Variants in PRELID2 observed in about 807,000 individuals in gnomAD.
The protein encoded by PRELID2 is PRELI domain-containing protein 2.
Under a neutral mutation model 28.4 loss-of-function variants are expected in PRELID2, and 25 were observed. The ratio of observed to expected loss-of-function variants is 0.88; its 90% CI spans 0.64 to 1.23. The LOEUF (loss-of-function observed/expected upper bound fraction) is 1.23, where lower values mean the gene tolerates loss of function less well. Ranked by LOEUF, PRELID2 falls within the 50% of genes most tolerant of loss-of-function variation. The pLI is 0.00. For missense variants in PRELID2, 201 were observed against 214.4 expected (o/e 0.94, Z 0.39); for synonymous variants, 76 against 71.6 (o/e 1.06, Z -0.31).
At chr5:145,234,337 A>G in the PRELID2 span, among the ~76,000 whole-genome samples, 2 of 152,148 alleles carry the variant, frequency 1.3e-5, no homozygotes, top group Non-Finnish European at 2.9e-5. Context: ...TATTTATTCT[A>G]TTTTACAGTT....
chr5:145,368,220 C>T, the PRELID2 span, among the ~76,000 whole-genome samples: 100,360 of 151,792 alleles, frequency 0.66, 33,392 homozygotes, highest in East Asian at 0.89. Flanking sequence ...ATGTACATGG[C>T]ACTATTAACA....
chr5:145,340,170 G>A, the PRELID2 span, among the ~76,000 whole-genome samples: 1 of 152,058 alleles, frequency 6.6e-6, no homozygotes, highest in Non-Finnish European at 1.5e-5. Flanking sequence ...CAACCCATGA[G>A]CCTAAAAATT....
chr5:145,636,005 C>T (rs907417606), intron 1 of PRELID2, among the ~76,000 whole-genome samples: 1 of 152,120 alleles, frequency 6.6e-6, no homozygotes, highest in Non-Finnish European at 1.5e-5. Flanking sequence ...CAGGGAAAGT[C>T]AAGGAGTGGG....
intron 1 of PRELID2, among the ~76,000 whole-genome samples, chr5:145,665,360 G>C (rs569597260): frequency 6.6e-6 from 1 of 152,146 alleles, no homozygotes; most frequent in Admixed American, 6.6e-5. Context: ...ATTGGAAAGG[G>C]GGGTGGTCAA....
chr5:145,741,225 T>TAC (rs1756715705), intron 1 of PRELID2, among the ~76,000 whole-genome samples: 1 of 47,930 alleles, frequency 2.1e-5, no homozygotes, highest in Non-Finnish European at 3.9e-5. Flanking sequence ...AAAATATATA[T>TAC]ATAATATATA....
intron 6 of PRELID2, among the ~76,000 whole-genome samples, chr5:145,762,076 C>A (rs1757502502): frequency 6.6e-6 from 1 of 151,980 alleles, no homozygotes; most frequent in African/African-American, 2.4e-5. Context: ...TACATATATC[C>A]CCTACTTTAC....
chr5:145,462,986 G>A, the PRELID2 span, among the ~76,000 whole-genome samples: 1 of 152,042 alleles, frequency 6.6e-6, no homozygotes, highest in South Asian at 2.1e-4. Context: ...ACCCTTGAGT[G>A]ATATAAATTA....
the PRELID2 span, among the ~76,000 whole-genome samples, chr5:145,272,760 G>T: frequency 6.6e-6 from 1 of 152,222 alleles, no homozygotes; most frequent in South Asian, 2.1e-4. Context: ...ACCATTGATA[G>T]ATGATATCAA....
chr5:145,354,355 G>A, the PRELID2 span, among the ~76,000 whole-genome samples: 1 of 152,154 alleles, frequency 6.6e-6, no homozygotes. Flanking sequence ...TATTTTGGTG[G>A]TGTACGATTT....
chr5:145,601,097 AGTGAACTATGATT>A (rs1331806240), intron 1 of PRELID2, among the ~76,000 whole-genome samples: 1 of 152,198 alleles, frequency 6.6e-6, no homozygotes, highest in Non-Finnish European at 1.5e-5. Context: ...TTGAGGTTAC[AGTGAACTATGATT>A]GTGTCACTAT....
chr5:145,833,451 C>T (rs1428813775), intron 1 of PRELID2, among the ~76,000 whole-genome samples: 1 of 152,190 alleles, frequency 6.6e-6, no homozygotes, highest in Non-Finnish European at 1.5e-5. Context: ...TTGGCTGTTA[C>T]TTTTTGGGCC....
rs145308723 is a variant in PRELID2 at position 145,592,821 on chromosome 5, C to T, written n.71-119506G>A. On this transcript the variant is annotated intron_variant and non_coding_transcript_variant, in intron 1 of 2. Coordinates refer to the PRELID2 transcript ENST00000510259. ...GACAGACATTGAAGATAAAATGAAA[C>T]ATATTAAGCTAACTATGTAATGACA... Among the ~76,000 whole-genome samples the T allele has an allele frequency of 7.5e-3, 1,139 of 152,106 alleles. 4 individuals are homozygous for T. The highest frequency in any genetic ancestry group is 0.013 in the Admixed American group (193 of 15,276).
At chr5:145,617,380 A>G (rs1014235466) in intron 1 of PRELID2, among the ~76,000 whole-genome samples, 2 of 152,198 alleles carry the variant, frequency 1.3e-5, no homozygotes, top group Non-Finnish European at 2.9e-5. Flanking sequence ...AGACAGGCGT[A>G]AGAAATTATA....
rs1489607469 is a variant in PRELID2, at chr5:145,758,755, G to C, written c.*1781C>G. Among the ~76,000 whole-genome samples, 1 of 152,064 alleles carries C rather than the reference G, an allele frequency of 6.6e-6. No homozygotes were observed. The highest frequency in any genetic ancestry group is 2.4e-5 in the African/African-American group (1 of 41,412). ...AAAAAAAAGGTCAAAGTGTGTTTTA[G>C]TTTCTACCATTATTTTTCCCTCCAA... On this transcript the variant is annotated 3_prime_UTR_variant, in exon 7 of 7. Transcript: ENST00000683046.
At position 145,492,562 on chromosome 5, in the gene PRELID2, C is replaced by G. The variant is rs1212273380; in HGVS notation, n.71-19247G>C. The stretch of plus-strand genomic sequence containing the variant: ...TCTATTTTTGTTTTTATTACTTGTG[C>G]TTTTGAGGTTATATCCAAAAATTCA... On this transcript the variant is annotated intron_variant and non_coding_transcript_variant, in intron 1 of 2. Transcript: ENST00000510259. Among the ~76,000 whole-genome samples, 5 of 141,276 alleles carry G rather than the reference C, an allele frequency of 3.5e-5. 1 individual carries two copies. Among genetic ancestry groups the G allele is most frequent in the African/African-American group, 1.2e-4 (5 of 40,056 alleles). The allele number at this position is 141,276 out of a possible 152,430, so 92.7% of individuals were successfully genotyped here.
chr5:145,345,517 G>T, the PRELID2 span, among the ~76,000 whole-genome samples: 57 of 152,004 alleles, frequency 3.7e-4, no homozygotes, highest in Non-Finnish European at 5.9e-4. Flanking sequence ...CAGAAAGATG[G>T]AAAATTCTGT....
the PRELID2 span, among the ~76,000 whole-genome samples, chr5:145,236,261 C>CTTGCAGTA: frequency 6.6e-6 from 1 of 152,204 alleles, no homozygotes; most frequent in Non-Finnish European, 1.5e-5. Flanking sequence ...TATCCCTGCC[C>CTTGCAGTA]TAAAAGGAGT....
the PRELID2 span, among the ~76,000 whole-genome samples, chr5:145,350,665 C>A: frequency 6.6e-6 from 1 of 152,140 alleles, no homozygotes; most frequent in Non-Finnish European, 1.5e-5. Flanking sequence ...TATGCATGCA[C>A]AATTTATGGC....
intron 1 of PRELID2, among the ~76,000 whole-genome samples, chr5:145,542,770 TTTCTTTCTTTCTTTCTGTC>T (rs913350658): frequency 6.8e-6 from 1 of 146,088 alleles, no homozygotes; most frequent in African/African-American, 2.7e-5. Context: ...TCTTTCTTTC[TTTCTTTCTTTCTTTCTGTC>T]TTTTTCTCTT....
Sources: allele counts gnomAD v4.1 joint callset (sites outside exome capture counted in the v4.1 genomes callset), GRCh38; gene constraint gnomAD v4.1.1; transcripts MANE v1.5; gene names NCBI Gene and HGNC (gene_info 2026-07-23, HGNC 2026-07-21).